Variants in BCAS1 observed in about 807,000 individuals in gnomAD.
BCAS1 encodes the protein brain enriched myelin associated protein 1, also known as breast carcinoma-amplified sequence 1.
In BCAS1, 46 loss-of-function variants were observed where a neutral mutation model predicts 65.4. The ratio of observed to expected loss-of-function variants is 0.70; its 90% confidence interval spans 0.55 to 0.90. BCAS1 has a LOEUF of 0.90. Ranked by LOEUF, BCAS1 falls within the 40% of genes least tolerant of loss-of-function variation. BCAS1 has a pLI of 0.00. For synonymous variants in BCAS1, 298 were observed against 293.5 expected (o/e 1.02, Z -0.16); for missense variants, 793 against 771.2 (o/e 1.03, Z -0.33).
At position 53,995,909 on chromosome 20, in the gene BCAS1, T is replaced by A. The variant is rs759239287; in HGVS notation, c.865A>T (p.Ser289Cys). Reference protein sequence around the residue: ...AIAENNNSIMSFFKTLVSPNK... With the variant: ...AIAENNNSIMCFFKTLVSPNK... ...CTGCTTACCAGAGTTTTAAAGAAAC[T>A]CATGATGGAATTATTATTCTCTGCT... The change falls in exon 5 of 13, where the codon AGT becomes TGT. Residue 289 changes from serine to cysteine, a missense_variant. Ser to Cys is a moderately radical substitution (Grantham distance 112). Coordinates refer to ENST00000688948, the MANE Select transcript of BCAS1 (RefSeq NM_001366298.2). 1.2e-6 allele frequency: 2 copies of A among 1,607,148 alleles called. No homozygotes were observed. Among genetic ancestry groups the A allele is most frequent in the South Asian group, 2.2e-5 (2 of 89,742 alleles).
At chr20:53,962,630 A>G (rs903503720) in intron 10 of BCAS1, among the ~76,000 whole-genome samples, 9 of 151,774 alleles carry the variant, frequency 5.9e-5, no homozygotes, top group Non-Finnish European at 4.4e-5. Flanking sequence ...CAAATATTCA[A>G]TTTCTTGACA....
intron 7 of BCAS1, among the ~76,000 whole-genome samples, chr20:53,989,336 T>C (rs1027727984): frequency 2.6e-5 from 4 of 152,290 alleles, no homozygotes; most frequent in African/African-American, 9.6e-5. Context: ...ACTACAGTTA[T>C]AGTAACTATA....
At chr20:54,000,164 C>A (rs546527469) in intron 4 of BCAS1, among the ~76,000 whole-genome samples, 1 of 152,290 alleles carries the variant, frequency 6.6e-6, no homozygotes, top group Admixed American at 6.5e-5. Flanking sequence ...ATTACTGGCT[C>A]CTCTTCCCCC....
At chr20:54,016,922 C>T (rs1291700588) in intron 4 of BCAS1, among the ~76,000 whole-genome samples, 1 of 152,202 alleles carries the variant, frequency 6.6e-6, no homozygotes, top group Non-Finnish European at 1.5e-5. Flanking sequence ...TAAATCACAA[C>T]ATCACTACCT....
intron 9 of BCAS1, among the ~76,000 whole-genome samples, chr20:53,971,801 C>G (rs529748252): frequency 6.6e-6 from 1 of 152,134 alleles, no homozygotes; most frequent in Non-Finnish European, 1.5e-5. Context: ...AACAGAAGTA[C>G]CTGTTTCCAT....
At chr20:53,954,314 A>AGAGAGAGT (rs2089631520) in intron 11 of BCAS1, among the ~76,000 whole-genome samples, 1 of 151,556 alleles carries the variant, frequency 6.6e-6, no homozygotes, top group Admixed American at 6.6e-5. Context: ...AGAGAGAGAG[A>AGAGAGAGT]GAGAGAGAGA....
At chr20:54,023,627 G>A (rs2091608179) in intron 4 of BCAS1, among the ~76,000 whole-genome samples, 1 of 152,174 alleles carries the variant, frequency 6.6e-6, no homozygotes, top group Non-Finnish European at 1.5e-5. Context: ...GAGACAGATG[G>A]CGTTTGCACA....
chr20:54,026,721 TC>T (rs2091680492), intron 4 of BCAS1, among the ~76,000 whole-genome samples: 1 of 152,226 alleles, frequency 6.6e-6, no homozygotes, highest in Admixed American at 6.5e-5. Context: ...AAACAGTTTC[TC>T]CCATATGCAG....
Position 54,051,254 on chromosome 20 carries a change from G to C in BCAS1, c.142+6831C>G, listed in dbSNP as rs142117013. Among the ~76,000 whole-genome samples the C allele has an allele frequency of 6.0e-3, 920 of 152,248 alleles. 5 individuals are homozygous for C. Among genetic ancestry groups the C allele is most frequent in the South Asian group, 0.029 (138 of 4,824 alleles). ...CTAACTGCCTGATCTCTGAGCCATG[G>C]GAGATTGAGTTTCTCCTTCACAATC... is the stretch of plus-strand genomic sequence containing the variant. On this transcript the variant is annotated intron_variant, in intron 3 of 12. Transcript: ENST00000688948.
At chr20:54,052,735 C>T (rs1215771844) in intron 3 of BCAS1, among the ~76,000 whole-genome samples, 1 of 152,198 alleles carries the variant, frequency 6.6e-6, no homozygotes, top group Non-Finnish European at 1.5e-5. Flanking sequence ...ACAGGGCCCT[C>T]ACCAGACACT....
chr20:54,035,400 C>CAAAAAA (rs1288429763), intron 3 of BCAS1, among the ~76,000 whole-genome samples: 2 of 62,056 alleles, frequency 3.2e-5, no homozygotes, highest in Admixed American at 1.6e-4. Flanking sequence ...GACTCCGTCT[C>CAAAAAA]AAAAAAAAAA....
intron 8 of BCAS1, among the ~76,000 whole-genome samples, chr20:53,976,784 T>G (rs1176192818): frequency 1.3e-5 from 2 of 152,228 alleles, no homozygotes; most frequent in Admixed American, 6.5e-5. Flanking sequence ...ATCTTCAGAT[T>G]GCATAATTTA....
intron 7 of BCAS1, among the ~76,000 whole-genome samples, chr20:53,988,704 G>A (rs1193275182): frequency 6.6e-6 from 1 of 152,074 alleles, no homozygotes; most frequent in African/African-American, 2.4e-5. Flanking sequence ...ATAAATTACT[G>A]TTAGCTGTAA....
chr20:53,945,045 C>A, intron 12 of BCAS1, 49 bp from the exon 13 acceptor site: 2 of 1,498,216 alleles, frequency 1.3e-6, no homozygotes, highest in South Asian at 2.3e-5. Flanking sequence ...TCTGTAATGT[C>A]AACAGCAACA....
chr20:53,985,514 A>G lies in BCAS1; in HGVS notation c.1063-15T>C, dbSNP rs765201732. 4 of 1,609,410 alleles carry G rather than the reference A, an allele frequency of 2.5e-6. No individual in the cohort carries two copies. Among genetic ancestry groups the G allele is most frequent in the Non-Finnish European group, 3.4e-6 (4 of 1,177,628 alleles). ...TTTTCAGCACCCTAAAGAGTTAAAAAAAATGGAGGGAAAACATTCAAAATG... is the reference window on the plus strand; with the variant it reads ...TTTTCAGCACCCTAAAGAGTTAAAAGAAATGGAGGGAAAACATTCAAAATG... On this transcript the variant is annotated splice_polypyrimidine_tract_variant and intron_variant, in intron 7 of 12. Transcript: ENST00000688948.
At chr20:54,011,729 G>A (rs1210362878) in intron 4 of BCAS1, among the ~76,000 whole-genome samples, 1 of 152,176 alleles carries the variant, frequency 6.6e-6, no homozygotes, top group Non-Finnish European at 1.5e-5. Context: ...TGCAGGCAGG[G>A]CGTGGTGGCA....
At chr20:54,027,333 A>G (rs2146087943) in intron 4 of BCAS1, among the ~76,000 whole-genome samples, 1 of 152,292 alleles carries the variant, frequency 6.6e-6, no homozygotes, top group South Asian at 2.1e-4. Flanking sequence ...CCATAGATTA[A>G]CGTGATACTT....
intron 12 of BCAS1, among the ~76,000 whole-genome samples, chr20:53,952,513 A>G (rs1429331174): frequency 1.3e-5 from 2 of 152,180 alleles, no homozygotes; most frequent in East Asian, 3.8e-4. Context: ...GTTAAATTAA[A>G]TAAGCAGGAG....
intron 3 of BCAS1, among the ~76,000 whole-genome samples, chr20:54,044,813 G>T (rs546309825): frequency 6.6e-6 from 1 of 150,454 alleles, no homozygotes; most frequent in South Asian, 2.1e-4. Context: ...ACTCCAGCTT[G>T]GGCAGCGGAA....
Sources: allele counts gnomAD v4.1 joint callset (sites outside exome capture counted in the v4.1 genomes callset), GRCh38; gene constraint gnomAD v4.1.1; transcripts MANE v1.5; gene names NCBI Gene and HGNC (gene_info 2026-07-23, HGNC 2026-07-21).